Variants in GPC6 observed in about 807,000 individuals in gnomAD.
The protein encoded by GPC6 is glypican 6, also known as glypican-6.
GPC6 carries 14 observed loss-of-function variants against 55.2 expected under a neutral mutation model. That is an observed-to-expected ratio of 0.25 (90% CI 0.17 to 0.40). The LOEUF is 0.40. Among genes scored for constraint, GPC6 ranks in the 10% least tolerant of loss-of-function variants. GPC6 has a pLI of 1.00. For synonymous variants in GPC6, 278 were observed against 259.6 expected (o/e 1.07, Z -0.68); for missense variants, 641 against 708.5 (o/e 0.90, Z 1.08).
chr13:93,591,355 T>C (rs1338143016), intron 2 of GPC6, among the ~76,000 whole-genome samples: 1 of 151,472 alleles, frequency 6.6e-6, no homozygotes, highest in Admixed American at 6.6e-5. Flanking sequence ...TCCCAGCTAC[T>C]CGGGAGGCTG....
chr13:94,168,501 G>C (rs1046070468), intron 4 of GPC6, among the ~76,000 whole-genome samples: 1 of 152,010 alleles, frequency 6.6e-6, no homozygotes, highest in East Asian at 1.9e-4. Flanking sequence ...TAAGTTCCCA[G>C]CATATTCTGG....
intron 3 of GPC6, among the ~76,000 whole-genome samples, chr13:94,005,967 A>G (rs1482360944): frequency 6.6e-6 from 1 of 152,200 alleles, no homozygotes; most frequent in African/African-American, 2.4e-5. Context: ...TGATTTAGAA[A>G]TGCAAAAGAT....
chr13:93,442,886 T>G (rs1010704588), intron 1 of GPC6, among the ~76,000 whole-genome samples: 1 of 152,196 alleles, frequency 6.6e-6, no homozygotes, highest in African/African-American at 2.4e-5. Context: ...TACTGATTGG[T>G]AATTTATAAT....
intron 4 of GPC6, among the ~76,000 whole-genome samples, chr13:94,107,575 C>CTG (rs1886098928): frequency 8.6e-6 from 1 of 115,936 alleles, no homozygotes; most frequent in African/African-American, 2.7e-5. Context: ...CTATTTCTTT[C>CTG]TCTTTTTTTT....
chr13:93,313,519 T>C (rs1456331525), intron 1 of GPC6, among the ~76,000 whole-genome samples: 1 of 152,174 alleles, frequency 6.6e-6, no homozygotes, highest in Admixed American at 6.6e-5. Flanking sequence ...AAATATGCTT[T>C]TATTGAATAA....
At chr13:94,173,125 C>G (rs1888629138) in intron 4 of GPC6, among the ~76,000 whole-genome samples, 1 of 152,162 alleles carries the variant, frequency 6.6e-6, no homozygotes, top group African/African-American at 2.4e-5. Context: ...AACTGGAAGA[C>G]TTTGTTTAGT....
In GPC6 at chr13:93,701,365, A is replaced by T. The variant is rs189393202; in HGVS notation, c.320-128789A>T. On this transcript the variant is annotated intron_variant, in intron 2 of 8. Coordinates refer to ENST00000377047, the MANE Select transcript of GPC6 (RefSeq NM_005708.5). ...TTTGTGTGTAATAGCATTATGGATT[A>T]AAAAAAGTACATACATTAATAAATA... Among the ~76,000 whole-genome samples the T allele has an allele frequency of 4.7e-4, 71 of 151,982 alleles. 1 individual carries two copies. Among genetic ancestry groups the T allele is most frequent in the African/African-American group, 1.5e-3 (64 of 41,536 alleles).
intron 6 of GPC6, among the ~76,000 whole-genome samples, chr13:94,370,594 A>G (rs775968242): frequency 2.6e-5 from 4 of 152,156 alleles, no homozygotes; most frequent in Non-Finnish European, 5.9e-5. Context: ...ACTGTACTAC[A>G]TTTTCTTGTC....
intron 6 of GPC6, among the ~76,000 whole-genome samples, chr13:94,315,412 G>A (rs1006874701): frequency 4.6e-5 from 7 of 152,156 alleles, no homozygotes; most frequent in South Asian, 2.1e-4. Flanking sequence ...TCCAGCATCC[G>A]GGGTGACAGA....
intron 5 of GPC6, among the ~76,000 whole-genome samples, chr13:94,303,942 T>G (rs886933726): frequency 1.3e-5 from 2 of 152,226 alleles, no homozygotes; most frequent in African/African-American, 2.4e-5. Context: ...TTTCAGTACA[T>G]GGCTTCATGA....
At chr13:94,041,129 G>A (rs567774875) in intron 4 of GPC6, among the ~76,000 whole-genome samples, 1 of 151,840 alleles carries the variant, frequency 6.6e-6, no homozygotes, top group African/African-American at 2.4e-5. Flanking sequence ...TGTAAGAAAA[G>A]TTTAATTTAG....
chr13:93,877,394 T>C (rs574806813), intron 3 of GPC6, among the ~76,000 whole-genome samples: 1 of 152,072 alleles, frequency 6.6e-6, no homozygotes, highest in South Asian at 2.1e-4. Context: ...CAAATATTTT[T>C]AATTACCCCT....
chr13:94,094,175 A>T (rs1885589102), intron 4 of GPC6, among the ~76,000 whole-genome samples: 1 of 152,120 alleles, frequency 6.6e-6, no homozygotes, highest in Non-Finnish European at 1.5e-5. Flanking sequence ...TGTCTAAAAA[A>T]AAATGAAACA....
intron 5 of GPC6, among the ~76,000 whole-genome samples, chr13:94,294,593 A>C (rs9524414): frequency 0.016 from 2,367 of 152,168 alleles, 31 homozygotes; most frequent in East Asian, 0.036. Flanking sequence ...TGAACATTAT[A>C]GCCTTGATTA....
chr13:93,846,472 A>G (rs760610403), intron 3 of GPC6, among the ~76,000 whole-genome samples: 9 of 152,198 alleles, frequency 5.9e-5, no homozygotes, highest in Admixed American at 1.3e-4. Flanking sequence ...TCAATGGTCT[A>G]TGGTAGTGCT....
At chr13:93,220,223 T>C in the GPC6 span, among the ~76,000 whole-genome samples, 1 of 152,200 alleles carries the variant, frequency 6.6e-6, no homozygotes, top group Non-Finnish European at 1.5e-5. Context: ...GAAGAGCTAT[T>C]CCCTACCGAA....
chr13:93,888,958 A>C (rs2140315994), intron 3 of GPC6, among the ~76,000 whole-genome samples: 1 of 152,250 alleles, frequency 6.6e-6, no homozygotes, highest in Admixed American at 6.5e-5. Flanking sequence ...TGAGCACAAA[A>C]GATATATTTA....
At chr13:94,094,173 A>G (rs1566396870) in intron 4 of GPC6, among the ~76,000 whole-genome samples, 1 of 152,130 alleles carries the variant, frequency 6.6e-6, no homozygotes, top group Non-Finnish European at 1.5e-5. Context: ...TATGTCTAAA[A>G]AAAAATGAAA....
chr13:93,393,015 C>G (rs1039702762), intron 1 of GPC6, among the ~76,000 whole-genome samples: 2 of 151,230 alleles, frequency 1.3e-5, no homozygotes, highest in African/African-American at 4.9e-5. Flanking sequence ...CCTTTCTATG[C>G]TGCCTAATCA....
Sources: allele counts gnomAD v4.1 joint callset (sites outside exome capture counted in the v4.1 genomes callset), GRCh38; gene constraint gnomAD v4.1.1; transcripts MANE v1.5; gene names NCBI Gene and HGNC (gene_info 2026-07-23, HGNC 2026-07-21).